RFX7: variants seen among roughly 807,000 people sequenced by gnomAD.
RFX7 encodes regulatory factor X7, also known as DNA-binding protein RFX7.
A neutral mutation model predicts 111.8 loss-of-function variants in RFX7; 26 were observed. The ratio of observed to expected loss-of-function variants is 0.23; its 90% CI spans 0.17 to 0.32. RFX7 has a LOEUF of 0.32. Among genes scored for constraint, RFX7 ranks in the 10% least tolerant of loss-of-function variants. RFX7 has a pLI of 1.00. For synonymous variants in RFX7, 624 were observed against 624.4 expected (o/e 1.00, Z 0.01); for missense variants, 1,573 against 1,772.9 (o/e 0.89, Z 2.02).
chr15:56,225,668 G>A (rs1020292068), intron 2 of RFX7, among the ~76,000 whole-genome samples: 8 of 152,088 alleles, frequency 5.3e-5, no homozygotes, highest in Middle Eastern at 3.2e-3. Context: ...CCTTCAACAG[G>A]TGCCTGCAAC....
chr15:56,228,361 T>A (rs551371716), intron 2 of RFX7, among the ~76,000 whole-genome samples: 1 of 152,140 alleles, frequency 6.6e-6, no homozygotes, highest in Non-Finnish European at 1.5e-5. Flanking sequence ...AACTATGGAA[T>A]TGAACTATGG....
intron 2 of RFX7, among the ~76,000 whole-genome samples, chr15:56,182,336 A>C (rs183581911): frequency 2.0e-5 from 3 of 152,224 alleles, no homozygotes; most frequent in Admixed American, 6.5e-5. Flanking sequence ...CTTCTGGTAG[A>C]TGAGGGCCCT....
At chr15:56,232,559 A>G (rs926406618) in intron 2 of RFX7, among the ~76,000 whole-genome samples, 5 of 151,952 alleles carry the variant, frequency 3.3e-5, no homozygotes, top group Non-Finnish European at 7.4e-5. Flanking sequence ...AAATTTCTGC[A>G]GCAGGCTTGA....
At chr15:56,148,285 A>G (rs1282402118) in intron 3 of RFX7, among the ~76,000 whole-genome samples, 2 of 152,236 alleles carry the variant, frequency 1.3e-5, no homozygotes, top group Non-Finnish European at 2.9e-5. Context: ...CCGACCTTGC[A>G]TGTCATCATC....
intron 5 of RFX7, among the ~76,000 whole-genome samples, chr15:56,138,916 T>A (rs1191160704): frequency 6.6e-6 from 1 of 152,188 alleles, no homozygotes; most frequent in African/African-American, 2.4e-5. Context: ...TTGAAAATTC[T>A]TGTCTTTAAG....
At chr15:56,198,962 A>C (rs1208090894) in intron 2 of RFX7, among the ~76,000 whole-genome samples, 1 of 151,940 alleles carries the variant, frequency 6.6e-6, no homozygotes, top group African/African-American at 2.4e-5. Flanking sequence ...GGAGTTCAAG[A>C]CCAGCCTGTT....
rs140570621 is a variant in RFX7, at chr15:56,220,535, G to GTT, written c.161+22588_161+22589dup. Among the ~76,000 whole-genome samples the GTT allele has an allele frequency of 3.8e-4, 56 of 149,290 alleles. No individual in the cohort carries two copies. In the East Asian group the frequency reaches 9.2e-3, roughly 25 times the overall value. The stretch of plus-strand genomic sequence containing the variant: ...CGGGAGCCACCGCACCTAGCCAAAT[G>GTT]TTTTTTTTTTCTGCTTAATTTAAGT... On this transcript the variant is annotated intron_variant, in intron 2 of 9. Coordinates refer to ENST00000559447, the MANE Select transcript of RFX7 (RefSeq NM_022841.7).
Position 56,102,186 on chromosome 15 carries a change from G to T in RFX7, c.586C>A (p.His196Asn). 1 of 1,611,664 alleles carries T rather than the reference G, an allele frequency of 6.2e-7. No homozygotes were observed. The highest frequency in any genetic ancestry group is 8.5e-7 in the Non-Finnish European group (1 of 1,178,636). ...HMPTLPNLDF[H>N]KTGDGLEGAE... ...ATTCTTACCCCATCTCCAGTTTTGT[G>T]AAAGTCAAGGTTGGGCAGTGTTGGC... Residue 196 changes from histidine (H) to asparagine (N), a missense_variant, in exon 7 of 10, where the codon CAC becomes AAC. By Grantham distance (68) the His-to-Asn change is moderately conservative. This residue lies in a region of RFX7 where 288 missense variants were observed against 337.9 expected (regional missense o/e 0.85). Transcript: ENST00000559447.
chr15:56,129,162 G>A (rs1311874982), intron 5 of RFX7, among the ~76,000 whole-genome samples: 1 of 152,080 alleles, frequency 6.6e-6, no homozygotes, highest in African/African-American at 2.4e-5. Context: ...TATCACTTGA[G>A]GTCAGGAGTT....
Position 56,096,625 on chromosome 15 carries a change from T to TA in RFX7, c.1108-6dup, listed in dbSNP as rs1308942011. On this transcript the variant is annotated splice_region_variant and splice_polypyrimidine_tract_variant and intron_variant, in intron 9 of 9. Transcript: ENST00000559447. ...CAATTGCCTAGTCCGCTGGACCTGTTAAAAGATAGCAAAAAATCAGATTTA... is the reference window on the plus strand; with the variant it reads ...CAATTGCCTAGTCCGCTGGACCTGTTAAAAAGATAGCAAAAAATCAGATTTA... 73 of 1,559,060 alleles carry TA rather than the reference T, an allele frequency of 4.7e-5. No homozygotes were observed. The highest frequency in any genetic ancestry group is 6.2e-5 in the Non-Finnish European group (71 of 1,149,062).
chr15:56,231,898 A>C (rs11631910), intron 2 of RFX7, among the ~76,000 whole-genome samples: 19,803 of 152,212 alleles, frequency 0.13, 1,688 homozygotes, highest in East Asian at 0.44. Context: ...GCCCCATGCA[A>C]GTCCCAAATC....
intron 5 of RFX7, among the ~76,000 whole-genome samples, chr15:56,141,653 C>G (rs1171651868): frequency 2.6e-5 from 1 of 38,494 alleles, no homozygotes; most frequent in African/African-American, 2.6e-4. Context: ...TATGCTTACT[C>G]TAAATATATA....
rs1200748586 is a variant in RFX7 at position 56,090,974 on chromosome 15, ATAAAG to A, written c.*2366_*2370del. On this transcript the variant is annotated 3_prime_UTR_variant, in exon 10 of 10. Transcript: ENST00000559447. ...CAATAACTAAGCAGAATTAGTAAAC[ATAAAG>A]TAAATAACCTGTGAATAACTATGCT... 1.3e-5 allele frequency: 2 copies of A among 152,618 alleles called. No homozygotes were observed. The highest frequency in any genetic ancestry group is 6.5e-5 in the Admixed American group (1 of 15,270). 9.5% of individuals were successfully genotyped at this position (152,618 alleles called of 1,614,324 possible).
At chr15:56,138,338 C>G (rs1386673721) in intron 5 of RFX7, among the ~76,000 whole-genome samples, 1 of 150,804 alleles carries the variant, frequency 6.6e-6, no homozygotes, top group African/African-American at 2.4e-5. Context: ...GTTAGCTCTT[C>G]TTGTTGAATT....
intron 2 of RFX7, among the ~76,000 whole-genome samples, chr15:56,180,785 C>T: frequency 6.7e-6 from 1 of 148,436 alleles, no homozygotes; most frequent in Non-Finnish European, 1.5e-5. Flanking sequence ...AGCATGGTGG[C>T]TTGCACCTGT....
intron 2 of RFX7, among the ~76,000 whole-genome samples, chr15:56,242,696 T>C (rs1368470466): frequency 2.6e-5 from 4 of 152,226 alleles, no homozygotes; most frequent in African/African-American, 4.8e-5. Context: ...TGCATATTAA[T>C]ATTCTTACGC....
At chr15:56,204,019 C>CTTTTT (rs139030100) in intron 2 of RFX7, among the ~76,000 whole-genome samples, 2 of 120,832 alleles carry the variant, frequency 1.7e-5, no homozygotes, top group African/African-American at 6.6e-5. Flanking sequence ...GTAACAAAAC[C>CTTTTT]TTTTTTTTTT....
intron 5 of RFX7, among the ~76,000 whole-genome samples, chr15:56,135,774 T>C (rs1402289077): frequency 6.6e-6 from 1 of 151,812 alleles, no homozygotes; most frequent in East Asian, 1.9e-4. Flanking sequence ...CTTTAATCCA[T>C]CTTGAATTGA....
intron 5 of RFX7, among the ~76,000 whole-genome samples, chr15:56,113,353 C>CA (rs1455412293): frequency 2.0e-5 from 3 of 152,098 alleles, no homozygotes; most frequent in Admixed American, 1.3e-4. Flanking sequence ...TTTGCAGGGA[C>CA]ATGGATCAAG....
Sources: gnomAD v4.1 joint callset for allele counts (sites outside exome capture counted in the v4.1 genomes callset) on GRCh38, gnomAD v4.1.1 for gene constraint, gnomAD v4.1.1 regional missense constraint, MANE v1.5 for transcripts, NCBI Gene and HGNC (gene_info 2026-07-23, HGNC 2026-07-21) for gene names.